Variants in RANBP2 observed in about 807,000 individuals in gnomAD.
RANBP2 encodes the protein RAN binding protein 2.
Under a neutral mutation model 303.6 loss-of-function variants are expected in RANBP2, and 57 were observed. That is an observed-to-expected ratio of 0.19 (90% confidence interval 0.15 to 0.23). The LOEUF (loss-of-function observed/expected upper bound fraction) is 0.23, where lower values mean the gene tolerates loss of function less well. Ranked by LOEUF, RANBP2 falls within the 10% of genes least tolerant of loss-of-function variation. The pLI is 1.00. For synonymous variants in RANBP2, 1,167 were observed against 1,301.5 expected (o/e 0.90, Z 2.23); for missense variants, 3,138 against 3,780.8 (o/e 0.83, Z 4.46).
At chr2:109,249,770 C>T in the RANBP2 span, among the ~76,000 whole-genome samples, 1 of 151,982 alleles carries the variant, frequency 6.6e-6, no homozygotes, top group East Asian at 1.9e-4. Flanking sequence ...CATTCTCCTG[C>T]CTCAGCCTCC....
At chr2:109,645,979 C>T in the RANBP2 span, among the ~76,000 whole-genome samples, 1 of 152,142 alleles carries the variant, frequency 6.6e-6, no homozygotes, top group Non-Finnish European at 1.5e-5. Flanking sequence ...TTCACAGACA[C>T]CAGGGAGAAC....
the RANBP2 span, among the ~76,000 whole-genome samples, chr2:109,491,516 G>T: frequency 6.6e-6 from 1 of 152,106 alleles, no homozygotes; most frequent in African/African-American, 2.4e-5. Context: ...ACATAGTTCA[G>T]CCTAGGTTTT....
the RANBP2 span, among the ~76,000 whole-genome samples, chr2:109,462,821 A>C: frequency 6.6e-6 from 1 of 152,162 alleles, no homozygotes; most frequent in African/African-American, 2.4e-5. Flanking sequence ...ACATGAGATA[A>C]AACTCCACTG....
At chr2:109,187,241 G>C in the RANBP2 span, among the ~76,000 whole-genome samples, 1 of 152,204 alleles carries the variant, frequency 6.6e-6, no homozygotes, top group Non-Finnish European at 1.5e-5. Flanking sequence ...AAATCTACTT[G>C]AAATTCCTAT....
rs777633695 is a variant in RANBP2 at position 108,771,830 on chromosome 2, A to G, written c.7979A>G (p.Tyr2660Cys). The part of the protein sequence containing the change: ...KLKLPPTFFC[Y>C]KNRPDYVSEE... ...AAACTTCCTCCAACTTTCTTCTGCT[A>G]CAAGAATAGACCAGATTATGTTAGT... The change falls in exon 21 of 29, where the codon TAC becomes TGC. Residue 2660 changes from tyrosine (Y) to cysteine (C), a missense_variant. Physicochemically the swap from Tyr to Cys is radical, Grantham distance 194 (BLOSUM62 -2). Around this residue, in one of 20 missense-constraint regions of RANBP2, gnomAD observed 497 missense variants for 465.8 expected, o/e 1.07. Transcript: ENST00000283195. The G allele has an allele frequency of 8.1e-6, 13 of 1,613,972 alleles. No individual in the cohort carries two copies. Among genetic ancestry groups the G allele is most frequent in the Non-Finnish European group, 2.5e-6 (3 of 1,179,968 alleles).
At chr2:109,074,943 C>T in the RANBP2 span, among the ~76,000 whole-genome samples, 8 of 141,504 alleles carry the variant, frequency 5.7e-5, no homozygotes, top group African/African-American at 1.8e-4. Flanking sequence ...ATTGCTTAAC[C>T]GGGATCCGGG....
chr2:108,906,381 G>A, the RANBP2 span: 12 of 1,614,020 alleles, frequency 7.4e-6, no homozygotes, highest in African/African-American at 4.0e-5. Context: ...GTGAAAAAGA[G>A]TCGAGAATTT....
the RANBP2 span, among the ~76,000 whole-genome samples, chr2:109,154,888 T>G: frequency 6.6e-6 from 1 of 152,210 alleles, no homozygotes; most frequent in Non-Finnish European, 1.5e-5. Flanking sequence ...CAGAGCGAGC[T>G]CCAGCTTCCT....
chr2:109,381,601 C>T, the RANBP2 span, among the ~76,000 whole-genome samples: 7,295 of 151,864 alleles, frequency 0.048, 401 homozygotes, highest in African/African-American at 0.13. Context: ...TTCTACCTTT[C>T]CTGCTTGAGT....
At chr2:108,942,708 C>T in the RANBP2 span, among the ~76,000 whole-genome samples, 9 of 152,256 alleles carry the variant, frequency 5.9e-5, no homozygotes, top group African/African-American at 1.7e-4. Context: ...CCCGCCTCTC[C>T]TTTTACCACG....
the RANBP2 span, among the ~76,000 whole-genome samples, chr2:109,017,664 A>G: frequency 6.6e-6 from 1 of 152,054 alleles, no homozygotes; most frequent in Non-Finnish European, 1.5e-5. Context: ...ATTTATTTTG[A>G]TGGGCAGAGC....
chr2:109,028,956 T>C, the RANBP2 span, among the ~76,000 whole-genome samples: 1 of 152,116 alleles, frequency 6.6e-6, no homozygotes, highest in Admixed American at 6.5e-5. Context: ...TTTATTTATT[T>C]ATTTATTTAG....
At chr2:109,233,065 G>A in the RANBP2 span, among the ~76,000 whole-genome samples, 4 of 152,192 alleles carry the variant, frequency 2.6e-5, no homozygotes, top group Admixed American at 2.6e-4. Context: ...GCCGGAGCTA[G>A]TGCTTTTGGG....
the RANBP2 span, among the ~76,000 whole-genome samples, chr2:109,241,629 TG>T: frequency 6.6e-6 from 1 of 152,218 alleles, no homozygotes; most frequent in East Asian, 1.9e-4. Flanking sequence ...GGAGGGCCCC[TG>T]GGACTCTCTG....
At chr2:109,069,419 T>C in the RANBP2 span, among the ~76,000 whole-genome samples, 2 of 152,220 alleles carry the variant, frequency 1.3e-5, no homozygotes, top group African/African-American at 4.8e-5. Context: ...AGAGCAGAAA[T>C]GGCCAACTGA....
the RANBP2 span, among the ~76,000 whole-genome samples, chr2:109,246,040 C>T: frequency 6.4e-4 from 97 of 152,282 alleles, no homozygotes; most frequent in Non-Finnish European, 1.2e-3. Flanking sequence ...AATCAAGACA[C>T]CTGGATTCAT....
the RANBP2 span, among the ~76,000 whole-genome samples, chr2:109,712,432 A>G: frequency 2.0e-5 from 3 of 151,810 alleles, no homozygotes; most frequent in African/African-American, 7.3e-5. Context: ...AAAATTATTT[A>G]TTTTATTTTA....
the RANBP2 span, among the ~76,000 whole-genome samples, chr2:109,086,512 G>T: frequency 6.6e-6 from 1 of 152,180 alleles, no homozygotes; most frequent in Non-Finnish European, 1.5e-5. Context: ...TTGTGGGAAG[G>T]GACAGACCCT....
chr2:109,402,203 C>G, the RANBP2 span, among the ~76,000 whole-genome samples: 1 of 152,252 alleles, frequency 6.6e-6, no homozygotes, highest in Non-Finnish European at 1.5e-5. Flanking sequence ...CTTCCTGGTT[C>G]CTACCACCTT....
Sources: gnomAD v4.1 joint callset for allele counts (sites outside exome capture counted in the v4.1 genomes callset) on GRCh38, gnomAD v4.1.1 for gene constraint, gnomAD v4.1.1 regional missense constraint, MANE v1.5 for transcripts, NCBI Gene and HGNC (gene_info 2026-07-23, HGNC 2026-07-21) for gene names.